Variants in MAP3K5 observed in about 807,000 individuals in gnomAD.
MAP3K5 encodes the protein mitogen-activated protein kinase kinase kinase 5.
MAP3K5 carries 56 observed loss-of-function variants against 158.7 expected under a neutral mutation model. The observed-to-expected ratio is 0.35, with a 90% CI of 0.28 to 0.44. MAP3K5 has a LOEUF of 0.44. Ranked by LOEUF, MAP3K5 falls within the 20% of genes least tolerant of loss-of-function variation. The pLI, the probability that MAP3K5 is intolerant of heterozygous loss-of-function variation, is 1.00. For synonymous variants in MAP3K5, 579 were observed against 601.7 expected (o/e 0.96, Z 0.55); for missense variants, 1,294 against 1,674.8 (o/e 0.77, Z 3.97).
At chr6:136,648,778 G>A (rs539191291) in intron 11 of MAP3K5, among the ~76,000 whole-genome samples, 1 of 152,128 alleles carries the variant, frequency 6.6e-6, no homozygotes, top group African/African-American at 2.4e-5. Flanking sequence ...TTGACATCCA[G>A]GAAGGATCTG....
intron 8 of MAP3K5, among the ~76,000 whole-genome samples, chr6:136,667,921 T>C (rs1779299448): frequency 6.6e-6 from 1 of 152,074 alleles, no homozygotes; most frequent in Non-Finnish European, 1.5e-5. Context: ...ATAAATACTT[T>C]ATCATTCTTT....
intron 1 of MAP3K5, among the ~76,000 whole-genome samples, chr6:136,790,085 G>A (rs1219471065): frequency 6.6e-6 from 1 of 152,156 alleles, no homozygotes; most frequent in Non-Finnish European, 1.5e-5. Flanking sequence ...GGATCCCTGG[G>A]TTTTCTCACC....
At position 136,659,271 on chromosome 6, in the gene MAP3K5, T is replaced by G. The variant is rs1778901963; in HGVS notation, c.1474A>C (p.Met492Leu). The change falls in exon 9 of 30, where the codon ATG becomes CTG. Residue 492 changes from methionine (M) to leucine (L), a missense_variant. By Grantham distance (15) the Met-to-Leu change is conservative (BLOSUM62 2). This residue lies in a region of MAP3K5 where 690 missense variants were observed against 870.5 expected (regional missense o/e 0.79). Transcript: ENST00000359015. ...LGASVLANDH[M>L]RVIQASEKLF... Reference sequence around the variant, plus strand: ...TTTTCAGATGCTTGAATGACTCTCATGTGGTCATTGGCTAGGACGCTGGCC... The same window carrying G: ...TTTTCAGATGCTTGAATGACTCTCAGGTGGTCATTGGCTAGGACGCTGGCC... 6.2e-7 allele frequency: 1 copy of G among 1,614,028 alleles called. No homozygotes were observed. The highest frequency in any genetic ancestry group is 1.3e-5 in the African/African-American group (1 of 74,936).
intron 1 of MAP3K5, among the ~76,000 whole-genome samples, chr6:136,786,730 TC>T (rs1396665450): frequency 2.6e-5 from 4 of 151,926 alleles, no homozygotes; most frequent in Non-Finnish European, 4.4e-5. Flanking sequence ...TGCAACCTAT[TC>T]TTTTTAAAGA....
chr6:136,759,761 ATTTTTTT>A (rs11317822), intron 1 of MAP3K5, among the ~76,000 whole-genome samples: 1 of 99,900 alleles, frequency 1.0e-5, no homozygotes. Flanking sequence ...CCAGCCCTCT[ATTTTTTT>A]TTTTTTTTTT....
chr6:136,765,515 A>G (rs1184725105), intron 1 of MAP3K5, among the ~76,000 whole-genome samples: 2 of 135,920 alleles, frequency 1.5e-5, no homozygotes, highest in Non-Finnish European at 3.2e-5. Context: ...ATCTTTTTTT[A>G]TTTTTTTATT....
intron 25 of MAP3K5, among the ~76,000 whole-genome samples, chr6:136,569,172 C>T (rs79523664): frequency 0.045 from 6,836 of 152,186 alleles, 518 homozygotes; most frequent in African/African-American, 0.15. Context: ...TGACAAACAA[C>T]AGGCCATAAA....
At chr6:136,777,618 A>T (rs1784449602) in intron 1 of MAP3K5, among the ~76,000 whole-genome samples, 1 of 152,236 alleles carries the variant, frequency 6.6e-6, no homozygotes, top group African/African-American at 2.4e-5. Flanking sequence ...TGTTTAAAAA[A>T]GAAATGTTAT....
At chr6:136,778,284 T>C (rs1246382459) in intron 1 of MAP3K5, among the ~76,000 whole-genome samples, 3 of 152,164 alleles carry the variant, frequency 2.0e-5, no homozygotes, top group Non-Finnish European at 4.4e-5. Flanking sequence ...TAATGCATAT[T>C]ATACTATTGT....
chr6:136,693,143 T>C (rs1780462441), intron 7 of MAP3K5, among the ~76,000 whole-genome samples: 1 of 152,186 alleles, frequency 6.6e-6, no homozygotes, highest in Non-Finnish European at 1.5e-5. Flanking sequence ...ATAAAGAAAT[T>C]TTCCCAGTAT....
At chr6:136,763,932 T>G (rs2114979394) in intron 1 of MAP3K5, among the ~76,000 whole-genome samples, 1 of 152,306 alleles carries the variant, frequency 6.6e-6, no homozygotes, top group Non-Finnish European at 1.5e-5. Context: ...CTTGAGACTC[T>G]GCAGAGAGTA....
intron 1 of MAP3K5, among the ~76,000 whole-genome samples, chr6:136,773,986 T>C (rs1276612383): frequency 6.6e-6 from 1 of 152,170 alleles, no homozygotes. Flanking sequence ...CAGTGTTTCC[T>C]TAGTTCTATC....
At chr6:136,620,798 G>A (rs1305361573) in intron 15 of MAP3K5, among the ~76,000 whole-genome samples, 1 of 152,172 alleles carries the variant, frequency 6.6e-6, no homozygotes, top group African/African-American at 2.4e-5. Context: ...GAGATGTAAG[G>A]GAAGCCCTAA....
chr6:136,657,421 A>C (rs941885605), intron 9 of MAP3K5, among the ~76,000 whole-genome samples: 7 of 152,350 alleles, frequency 4.6e-5, no homozygotes, highest in African/African-American at 1.7e-4. Context: ...TTCTTGTTAA[A>C]AAACCAGGAT....
intron 18 of MAP3K5, among the ~76,000 whole-genome samples, chr6:136,606,392 G>A (rs927641538): frequency 8.5e-5 from 13 of 152,080 alleles, no homozygotes; most frequent in African/African-American, 3.1e-4. Flanking sequence ...AAAAAGGGAA[G>A]AGCTTTAAGC....
intron 14 of MAP3K5, among the ~76,000 whole-genome samples, chr6:136,631,132 C>G (rs1777330672): frequency 6.6e-6 from 1 of 152,192 alleles, no homozygotes. Flanking sequence ...TAAAGTTTGT[C>G]TGCTCTCCTG....
At chr6:136,658,163 G>A (rs1352765815) in intron 9 of MAP3K5, among the ~76,000 whole-genome samples, 1 of 152,106 alleles carries the variant, frequency 6.6e-6, no homozygotes, top group Admixed American at 6.5e-5. Flanking sequence ...GAAAACAGCC[G>A]AGTCGGTGGC....
intron 2 of MAP3K5, among the ~76,000 whole-genome samples, chr6:136,707,108 C>T (rs1397517994): frequency 1.3e-5 from 2 of 152,124 alleles, no homozygotes; most frequent in African/African-American, 2.4e-5. Flanking sequence ...TCAGCTATGA[C>T]TGTGCCACTG....
intron 7 of MAP3K5, among the ~76,000 whole-genome samples, chr6:136,686,463 G>A (rs1428583633): frequency 6.6e-6 from 1 of 152,156 alleles, no homozygotes; most frequent in Non-Finnish European, 1.5e-5. Flanking sequence ...TATTCATATA[G>A]GAAGAGCGGA....
Sources: gnomAD v4.1 joint callset for allele counts (sites outside exome capture counted in the v4.1 genomes callset) on GRCh38, gnomAD v4.1.1 for gene constraint, gnomAD v4.1.1 regional missense constraint, MANE v1.5 for transcripts, NCBI Gene and HGNC (gene_info 2026-07-23, HGNC 2026-07-21) for gene names.